AKAP12: variants seen among roughly 807,000 people sequenced by gnomAD.
The protein encoded by AKAP12 is A-kinase anchoring protein 12.
AKAP12 carries 32 observed loss-of-function variants against 79.9 expected under a neutral mutation model. The observed-to-expected ratio is 0.40, with a 90% CI of 0.30 to 0.54. The LOEUF (loss-of-function observed/expected upper bound fraction) is 0.54. AKAP12 is among the 20% of genes least tolerant of loss of function. The probability of loss-of-function intolerance (pLI) is 0.48; values close to 1 mark genes in which losing one functional copy is unlikely to be tolerated. For synonymous variants in AKAP12, 808 were observed against 857.0 expected, an observed-to-expected ratio of 0.94 and a Z score of 1.00; for missense variants, 2,074 against 2,177.0, an observed-to-expected ratio of 0.95 and a Z score of 0.94.
chr6:151,261,236 T>G (rs1389434809), intron 2 of AKAP12, among the ~76,000 whole-genome samples: 1 of 151,376 alleles, frequency 6.6e-6, no homozygotes, highest in Non-Finnish European at 1.5e-5. Context: ...AAAAATTAGC[T>G]GGGCGTGGTG....
Position 151,298,592 on chromosome 6 carries a change from G to A in AKAP12, c.163-7155G>A, listed in dbSNP as rs563918137. Reference sequence around the variant, plus strand: ...GTGGATCACTTAAGGTCAGGAGTTCGAGACCAACCTGACCAACATGGTGAA... The same window carrying A: ...GTGGATCACTTAAGGTCAGGAGTTCAAGACCAACCTGACCAACATGGTGAA... On this transcript the variant is annotated intron_variant, in intron 2 of 4. Transcript: ENST00000402676. Among the ~76,000 whole-genome samples, 7 of 151,996 alleles carry A rather than the reference G, an allele frequency of 4.6e-5. No homozygotes were observed. The East Asian group carries it at 1.2e-3, about 25-fold the overall frequency.
intron 2 of AKAP12, among the ~76,000 whole-genome samples, chr6:151,260,913 A>G (rs532479743): frequency 1.3e-5 from 2 of 152,152 alleles, no homozygotes; most frequent in East Asian, 3.9e-4. Context: ...AATCGCTTGA[A>G]CCGGGGAGGT....
intron 2 of AKAP12, among the ~76,000 whole-genome samples, chr6:151,246,357 G>T (rs913044008): frequency 6.6e-6 from 1 of 152,158 alleles, no homozygotes; most frequent in Non-Finnish European, 1.5e-5. Flanking sequence ...GGGGGAGGTT[G>T]CAGTGAGCTG....
chr6:151,296,589 C>T (rs1434423308), intron 2 of AKAP12, among the ~76,000 whole-genome samples: 1 of 152,152 alleles, frequency 6.6e-6, no homozygotes, highest in East Asian at 1.9e-4. Context: ...CTAGCCTGGC[C>T]AATGTGGCGA....
Position 151,305,899 on chromosome 6 carries a change from A to G in AKAP12, c.315A>G (p.Thr105=), listed in dbSNP as rs2294792. 642,997 of 1,605,554 alleles carry G rather than the reference A, an allele frequency of 0.4. 136,670 individuals carry two copies. The highest frequency in any genetic ancestry group is 0.44 in the Non-Finnish European group (522,489 of 1,175,576). ...NSQEEEEVIV[T]EVGQRDSEDV... is the part of the protein sequence containing the mutation. ...AGGAGGAAGAAGAAGTCATTGTCAC[A>G]GAGGGTAAGCCGCCCCTCCAGGAAC... is the stretch of plus-strand genomic sequence containing the variant. Residue 105 remains threonine (T), a synonymous_variant, in exon 3 of 5, where the codon ACA becomes ACG. Coordinates refer to ENST00000402676, the MANE Select transcript of AKAP12 (RefSeq NM_005100.4).
chr6:151,244,109 G>T (rs1352197874), intron 2 of AKAP12, among the ~76,000 whole-genome samples: 2 of 152,174 alleles, frequency 1.3e-5, no homozygotes, highest in East Asian at 1.9e-4. Context: ...GGAGATGGGG[G>T]CTCTTGTTAG....
chr6:151,336,135 A>G (rs895061742), intron 3 of AKAP12, among the ~76,000 whole-genome samples: 1 of 152,192 alleles, frequency 6.6e-6, no homozygotes, highest in South Asian at 2.1e-4. Context: ...TCCATGGTGT[A>G]TATGGACCAC....
At chr6:151,295,009 G>T (rs944004259) in intron 2 of AKAP12, among the ~76,000 whole-genome samples, 1 of 152,136 alleles carries the variant, frequency 6.6e-6, no homozygotes, top group Non-Finnish European at 1.5e-5. Flanking sequence ...CTCTGTCTGC[G>T]TCAGAGTTTC....
At chr6:151,296,050 C>T (rs11757358) in intron 2 of AKAP12, among the ~76,000 whole-genome samples, 43,757 of 152,076 alleles carry the variant, frequency 0.29, 7,482 homozygotes, top group Non-Finnish European at 0.41. Context: ...AAATTTATAA[C>T]GAGCAGTGGC....
At chr6:151,328,516 G>C (rs113035196) in intron 3 of AKAP12, among the ~76,000 whole-genome samples, 11,044 of 147,076 alleles carry the variant, frequency 0.075, 480 homozygotes, top group East Asian at 0.17. Flanking sequence ...GTGCACCTGT[G>C]ATCCCAGCTA....
At chr6:151,320,645 G>A (rs566557751) in intron 3 of AKAP12, among the ~76,000 whole-genome samples, 1 of 152,082 alleles carries the variant, frequency 6.6e-6, no homozygotes, top group Non-Finnish European at 1.5e-5. Context: ...TTCATCTTGT[G>A]GGCACCGTGA....
intron 3 of AKAP12, among the ~76,000 whole-genome samples, chr6:151,306,898 A>G (rs1050562980): frequency 6.6e-6 from 1 of 152,234 alleles, no homozygotes; most frequent in African/African-American, 2.4e-5. Flanking sequence ...AATGATTGGA[A>G]TGGACCCAAC....
At chr6:151,240,346 A>C in intron 1 of AKAP12, 38 bp from the exon 2 acceptor site, 5 of 428,096 alleles carry the variant, frequency 1.2e-5, no homozygotes, top group African/African-American at 2.1e-5. Context: ...GGCGGAGGCT[A>C]AGAGGTGGCC....
At chr6:151,306,207 A>G (rs952027049) in intron 3 of AKAP12, among the ~76,000 whole-genome samples, 1 of 152,188 alleles carries the variant, frequency 6.6e-6, no homozygotes, top group East Asian at 1.9e-4. Flanking sequence ...GTTGCTTTAA[A>G]AGAGTCATTA....
intron 3 of AKAP12, among the ~76,000 whole-genome samples, chr6:151,347,632 T>C (rs932533090): frequency 1.2e-4 from 18 of 152,256 alleles, no homozygotes; most frequent in African/African-American, 3.9e-4. Flanking sequence ...TTGAAGGTCA[T>C]TGGAAAGAAG....
chr6:151,322,476 C>T (rs969132269), intron 3 of AKAP12, among the ~76,000 whole-genome samples: 3 of 152,222 alleles, frequency 2.0e-5, no homozygotes, highest in Non-Finnish European at 1.5e-5. Flanking sequence ...CCCCAACTCC[C>T]GGACCTCCCT....
At chr6:151,264,670 CAAAA>C (rs11300375) in intron 2 of AKAP12, among the ~76,000 whole-genome samples, 1 of 96,008 alleles carries the variant, frequency 1.0e-5, no homozygotes, top group Admixed American at 1.3e-4. Context: ...GACTTCATCT[CAAAA>C]AAAAAAAAAA....
At chr6:151,334,590 G>A (rs954789935) in intron 3 of AKAP12, among the ~76,000 whole-genome samples, 5 of 144,754 alleles carry the variant, frequency 3.5e-5, no homozygotes, top group Non-Finnish European at 7.5e-5. Flanking sequence ...GCAAGACTCC[G>A]TCTCAAAAAA....
At chr6:151,263,741 G>T (rs1797486490) in intron 2 of AKAP12, among the ~76,000 whole-genome samples, 1 of 152,062 alleles carries the variant, frequency 6.6e-6, no homozygotes, top group South Asian at 2.1e-4. Flanking sequence ...CCCACACCTG[G>T]CTAATTTTTG....
Sources: allele counts gnomAD v4.1 joint callset (sites outside exome capture counted in the v4.1 genomes callset), GRCh38; gene constraint gnomAD v4.1.1; transcripts MANE v1.5; gene names NCBI Gene and HGNC (gene_info 2026-07-23, HGNC 2026-07-21).